TBC1D32: variants seen among roughly 807,000 people sequenced by gnomAD.
TBC1D32 encodes TBC1 domain family member 32.
In TBC1D32, 151 loss-of-function variants were observed where a neutral mutation model predicts 170.3. The ratio of observed to expected loss-of-function variants is 0.89; its 90% CI spans 0.78 to 1.01. TBC1D32 has a LOEUF of 1.01. TBC1D32 is among the 50% of genes least tolerant of loss of function. TBC1D32 has a pLI of 0.00. For missense variants in TBC1D32, 1,464 were observed against 1,457.1 expected, an observed-to-expected ratio of 1.00 and a Z score of -0.08; for synonymous variants, 498 against 488.0, an observed-to-expected ratio of 1.02 and a Z score of -0.27.
intron 30 of TBC1D32, among the ~76,000 whole-genome samples, chr6:121,094,949 AT>A (rs1777227424): frequency 1.3e-5 from 2 of 152,110 alleles, no homozygotes; most frequent in South Asian, 4.1e-4. Context: ...TAGACATGTA[AT>A]TCTGCCAGAA....
chr6:121,150,910 C>A (rs989580581), intron 24 of TBC1D32, among the ~76,000 whole-genome samples: 1 of 151,660 alleles, frequency 6.6e-6, no homozygotes, highest in African/African-American at 2.4e-5. Context: ...CTTTAGTAGT[C>A]TGGCTAGTGG....
At chr6:121,257,914 C>G (rs1799256299) in intron 15 of TBC1D32, among the ~76,000 whole-genome samples, 2 of 152,054 alleles carry the variant, frequency 1.3e-5, no homozygotes, top group African/African-American at 4.8e-5. Flanking sequence ...CTTCCTGGCC[C>G]AGACCCAGAA....
chr6:121,147,951 G>A (rs1229190406), intron 24 of TBC1D32, among the ~76,000 whole-genome samples: 1 of 129,308 alleles, frequency 7.7e-6, no homozygotes, highest in Non-Finnish European at 1.7e-5. Context: ...ATCAGTCCAT[G>A]TCCTTTGCCC....
chr6:121,228,744 T>C (rs543835423), intron 20 of TBC1D32, among the ~76,000 whole-genome samples: 19 of 152,236 alleles, frequency 1.2e-4, no homozygotes, highest in African/African-American at 4.6e-4. Context: ...TAATATTCTA[T>C]AAATATCAAA....
intron 30 of TBC1D32, among the ~76,000 whole-genome samples, chr6:121,103,264 G>A (rs1474087857): frequency 6.6e-6 from 1 of 151,934 alleles, no homozygotes; most frequent in Non-Finnish European, 1.5e-5. Flanking sequence ...AAATCATGCT[G>A]CTGTAAGGAC....
intron 24 of TBC1D32, among the ~76,000 whole-genome samples, chr6:121,156,402 CT>C (rs1002571426): frequency 3.9e-4 from 57 of 146,776 alleles, no homozygotes; most frequent in Non-Finnish European, 4.8e-4. Flanking sequence ...TTTGGATCTT[CT>C]TTTTTTTTTC....
Position 121,310,777 on chromosome 6 carries a change from AC to A in TBC1D32, c.564+1del, listed in dbSNP as rs1476967615. ...AACTTGACAGCTATCCTTGAAACTT[AC>A]CTCTTTAGGTTGCCCAGGATCCAAC... On this transcript the variant is annotated splice_donor_variant, in intron 4 of 31. Coordinates refer to ENST00000398212, the MANE Select transcript of TBC1D32 (RefSeq NM_152730.6). LOFTEE classifies it high-confidence loss of function. The A allele has an allele frequency of 6.5e-7, 1 of 1,541,856 alleles. No individual in the cohort carries two copies. Among genetic ancestry groups the A allele is most frequent in the Non-Finnish European group, 8.8e-7 (1 of 1,133,854 alleles).
rs1317267394 is a variant in TBC1D32 at position 121,115,171 on chromosome 6, C to T, written c.3053+1G>A. Reference sequence around the variant, plus strand: ...AAGGGAGCTATTTCCCTATAATATACCTGACAGTCATTTTAATGCCAAGCT... The same window carrying T: ...AAGGGAGCTATTTCCCTATAATATATCTGACAGTCATTTTAATGCCAAGCT... On this transcript the variant is annotated splice_donor_variant, in intron 27 of 31. Transcript: ENST00000398212. LOFTEE classifies it high-confidence loss of function. The T allele has an allele frequency of 5.0e-6, 8 of 1,593,188 alleles. No individual in the cohort carries two copies. The highest frequency in any genetic ancestry group is 1.7e-5 in the Admixed American group (1 of 58,088).
chr6:121,125,360 A>T (rs1378425622), intron 26 of TBC1D32, among the ~76,000 whole-genome samples: 2 of 152,188 alleles, frequency 1.3e-5, no homozygotes, highest in Non-Finnish European at 2.9e-5. Context: ...AACTCTGGCC[A>T]GGAATCAGAG....
At chr6:121,313,544 A>T (rs1162210842) in intron 3 of TBC1D32, among the ~76,000 whole-genome samples, 2 of 152,104 alleles carry the variant, frequency 1.3e-5, no homozygotes, top group Non-Finnish European at 2.9e-5. Flanking sequence ...CACCTGTCCC[A>T]GGCCTAACTC....
chr6:121,318,954 G>C (rs985081551), intron 2 of TBC1D32, among the ~76,000 whole-genome samples: 1 of 150,740 alleles, frequency 6.6e-6, no homozygotes, highest in Non-Finnish European at 1.5e-5. Flanking sequence ...AATCAAACCT[G>C]CTGGGGAATC....
intron 21 of TBC1D32, among the ~76,000 whole-genome samples, chr6:121,215,056 G>A (rs111341864): frequency 0.017 from 2,655 of 152,306 alleles, 94 homozygotes; most frequent in African/African-American, 0.061. Context: ...TCTCAGCAGA[G>A]AGGAGATGCA....
chr6:121,245,292 G>C (rs1797452323), intron 17 of TBC1D32, among the ~76,000 whole-genome samples: 1 of 152,192 alleles, frequency 6.6e-6, no homozygotes, highest in Non-Finnish European at 1.5e-5. Flanking sequence ...ATCCTTTGCA[G>C]ATATTCACAG....
At chr6:121,290,048 A>C (rs1261426800) in intron 12 of TBC1D32, among the ~76,000 whole-genome samples, 2 of 152,210 alleles carry the variant, frequency 1.3e-5, no homozygotes, top group African/African-American at 4.8e-5. Flanking sequence ...TAAAAACCCT[A>C]GAAGAAAACC....
upstream of TBC1D32, chr6:121,334,520 C>T: frequency 1.4e-6 from 2 of 1,430,894 alleles, no homozygotes; most frequent in Non-Finnish European, 9.4e-7. Context: ...CACCCAGCCC[C>T]GGCTACGTGC....
chr6:121,124,161 C>T (rs1780583712), intron 26 of TBC1D32, among the ~76,000 whole-genome samples: 1 of 152,000 alleles, frequency 6.6e-6, no homozygotes, highest in Admixed American at 6.6e-5. Context: ...ATCATGTTAG[C>T]ATCCTTTTCC....
At position 121,241,447 on chromosome 6, in the gene TBC1D32, T is replaced by C; in HGVS notation, c.2245+18A>G. ...ATCTTTAAAATAATTATAATTCTAA[T>C]GAAAAGAAAACATTTACCTGACTTT... On this transcript the variant is annotated intron_variant, in intron 19 of 31. Coordinates refer to ENST00000398212, the MANE Select transcript of TBC1D32 (RefSeq NM_152730.6). 1 of 1,597,838 alleles carries C rather than the reference T, an allele frequency of 6.3e-7. No homozygotes were observed. The highest frequency in any genetic ancestry group is 8.6e-7 in the Non-Finnish European group (1 of 1,168,898).
chr6:121,091,151 T>C (rs1776762100), intron 30 of TBC1D32, 110 bp from the exon 31 acceptor site: 2 of 848,128 alleles, frequency 2.4e-6, no homozygotes, highest in East Asian at 5.0e-5. Flanking sequence ...GCTTAGGGCT[T>C]AATCAAAATA....
chr6:121,116,567 T>C (rs1178129734), intron 26 of TBC1D32, among the ~76,000 whole-genome samples: 1 of 152,168 alleles, frequency 6.6e-6, no homozygotes, highest in Non-Finnish European at 1.5e-5. Flanking sequence ...ATGATATAGA[T>C]AGATATCTTA....
Sources: gnomAD v4.1 joint callset for allele counts (sites outside exome capture counted in the v4.1 genomes callset) on GRCh38, gnomAD v4.1.1 for gene constraint, MANE v1.5 for transcripts, NCBI Gene and HGNC (gene_info 2026-07-23, HGNC 2026-07-21) for gene names.